KCNMB1: variants seen among roughly 807,000 people sequenced by gnomAD.
KCNMB1 encodes the protein calcium-activated potassium channel subunit beta-1.
KCNMB1 carries 22 observed loss-of-function variants against 21.7 expected under a neutral mutation model. The observed-to-expected ratio is 1.01, with a 90% confidence interval of 0.72 to 1.45. KCNMB1 has a LOEUF of 1.45. KCNMB1 is among the 40% of genes most tolerant of loss of function. The pLI, the probability that KCNMB1 is intolerant of heterozygous loss-of-function variation, is 0.00. For synonymous variants in KCNMB1, 114 were observed against 107.6 expected (o/e 1.06, Z -0.37); for missense variants, 243 against 243.4 (o/e 1.00, Z 0.01).
Position 170,378,002 on chromosome 5 carries a change from A to G in KCNMB1, c.*702T>C, listed in dbSNP as rs1764077054. The stretch of plus-strand genomic sequence containing the variant: ...TTTCAACTTTTCCAAAATGGCATCT[A>G]CCATGGCTTTTCTGATTAAAAGCAA... On this transcript the variant is annotated 3_prime_UTR_variant, in exon 4 of 4. Coordinates refer to ENST00000274629, the MANE Select transcript of KCNMB1 (RefSeq NM_004137.4). 2 of 152,122 alleles carry G rather than the reference A, an allele frequency of 1.3e-5. No homozygotes were observed. The highest frequency in any genetic ancestry group is 2.9e-5 in the Non-Finnish European group (2 of 68,038). The allele number at this position is 152,122 out of a possible 1,614,324, so 9.4% of individuals were successfully genotyped here. A position where few individuals can be genotyped will look rare whatever the true frequency, so the allele number is the denominator to read the frequency against.
chr5:170,387,050 A>T (rs1393152275), intron 1 of KCNMB1, among the ~76,000 whole-genome samples: 1 of 152,006 alleles, frequency 6.6e-6, no homozygotes, highest in Non-Finnish European at 1.5e-5. Flanking sequence ...GTGATTTCCC[A>T]TGGTTCCGCA....
chr5:170,385,428 A>G lies in KCNMB1; in HGVS notation c.20T>C (p.Met7Thr), dbSNP rs759156187. The G allele has an allele frequency of 1.2e-6, 2 of 1,614,034 alleles. No homozygotes were observed. The highest frequency in any genetic ancestry group is 2.7e-5 in the African/African-American group (2 of 74,900). MVKKLV[M>T]AQKRGETRAL... Reference sequence around the variant, plus strand: ...TCGTGTCTCTCCCCGCTTCTGGGCCATCACCAGCTTCTTCACCATATTCAC... The same window carrying G: ...TCGTGTCTCTCCCCGCTTCTGGGCCGTCACCAGCTTCTTCACCATATTCAC... Residue 7 changes from methionine (M) to threonine (T), a missense_variant, in exon 2 of 4, where the codon ATG becomes ACG. Coordinates refer to ENST00000274629, the MANE Select transcript of KCNMB1 (RefSeq NM_004137.4).
intron 3 of KCNMB1, 132 bp downstream of exon 3, chr5:170,383,547 A>T (rs1348225224): frequency 3.1e-6 from 3 of 953,244 alleles, no homozygotes; most frequent in Middle Eastern, 2.1e-4. Context: ...GGGCTGGCTC[A>T]GTCTCATTCC....
Position 170,378,018 on chromosome 5 carries a change from T to C in KCNMB1, c.*686A>G, listed in dbSNP as rs1411362658. On this transcript the variant is annotated 3_prime_UTR_variant, in exon 4 of 4. Transcript: ENST00000274629. ...ATGGCATCTACCATGGCTTTTCTGA[T>C]TAAAAGCAAACGAAACACACCCTTC... 6.6e-6 allele frequency: 1 copy of C among 152,084 alleles called. No homozygotes were observed. The highest frequency in any genetic ancestry group is 1.5e-5 in the Non-Finnish European group (1 of 68,018). The allele number at this position is 152,084 out of a possible 1,614,324, so 9.4% of individuals were successfully genotyped here.
intron 3 of KCNMB1, among the ~76,000 whole-genome samples, chr5:170,381,012 G>C (rs1764217066): frequency 6.6e-6 from 1 of 152,184 alleles, no homozygotes; most frequent in Non-Finnish European, 1.5e-5. Flanking sequence ...AATATGTTTT[G>C]ACTTATCTAT....
intron 1 of KCNMB1, among the ~76,000 whole-genome samples, chr5:170,388,441 T>A (rs879364819): frequency 2.6e-5 from 4 of 152,216 alleles, no homozygotes; most frequent in Non-Finnish European, 5.9e-5. Context: ...ATAGGAGGGA[T>A]TTCAGTTAGA....
chr5:170,380,858 G>A (rs1764210895), intron 3 of KCNMB1, among the ~76,000 whole-genome samples: 1 of 152,118 alleles, frequency 6.6e-6, no homozygotes, highest in African/African-American at 2.4e-5. Flanking sequence ...AACCTCACTG[G>A]GCCTTGTAAA....
chr5:170,383,967 C>T (rs766468050), intron 2 of KCNMB1, 117 bp from the exon 3 acceptor site: 4 of 990,116 alleles, frequency 4.0e-6, no homozygotes, highest in Non-Finnish European at 5.9e-6. Context: ...CTGGGATCCT[C>T]ATCTTGTCTT....
chr5:170,378,341 A>C lies in KCNMB1; in HGVS notation c.*363T>G. 1 of 198,114 alleles carries C rather than the reference A, an allele frequency of 5.0e-6. No homozygotes were observed. Among genetic ancestry groups the C allele is most frequent in the Non-Finnish European group, 1.0e-5 (1 of 98,316 alleles). 12.3% of individuals were successfully genotyped at this position (198,114 alleles called of 1,614,324 possible). On this transcript the variant is annotated 3_prime_UTR_variant, in exon 4 of 4. Transcript: ENST00000274629. ...GGACAGCTTCTGGGGGAGGATGGGT[A>C]CCGCTTTGAGACAACAGGGAGAACT...
In KCNMB1 at chr5:170,378,836, G is replaced by A; in HGVS notation, c.444C>T (p.Phe148=). ...GGGCCTGGGGCCCGTAGAGGCGCTG[G>A]AATAGGACGCTGGTTTCGTTCCCCC... is the stretch of plus-strand genomic sequence containing the variant. The part of the protein sequence containing the change: ...APRGNETSVL[F]QRLYGPQALL... The change falls in exon 4 of 4, where the codon TTC becomes TTT. Residue 148 remains phenylalanine (F), a synonymous_variant. Transcript: ENST00000274629. 1 of 1,614,240 alleles carries A rather than the reference G, an allele frequency of 6.2e-7. No homozygotes were observed. The highest frequency in any genetic ancestry group is 8.5e-7 in the Non-Finnish European group (1 of 1,180,046).
rs1763984896 is a variant in KCNMB1, at chr5:170,375,958, C to T, written c.*2746G>A. The T allele has an allele frequency of 6.6e-6, 1 of 152,162 alleles. No individual in the cohort carries two copies. Among genetic ancestry groups the T allele is most frequent in the Non-Finnish European group, 1.5e-5 (1 of 68,048 alleles). 9.4% of individuals were successfully genotyped at this position (152,162 alleles called of 1,614,324 possible). A position where few individuals can be genotyped will look rare whatever the true frequency, so the allele number is the denominator to read the frequency against. The stretch of plus-strand genomic sequence containing the variant: ...ATTTGAACCCAAACAGTGCACATCC[C>T]AAGTCCACATACTTAGCCACTGTCC... On this transcript the variant is annotated 3_prime_UTR_variant, in exon 4 of 4. Transcript: ENST00000274629.
intron 1 of KCNMB1, among the ~76,000 whole-genome samples, chr5:170,388,387 C>T (rs914521206): frequency 1.3e-5 from 2 of 152,154 alleles, no homozygotes; most frequent in Non-Finnish European, 2.9e-5. Flanking sequence ...TGTCAATATC[C>T]CCCAAGGGAC....
Position 170,385,382 on chromosome 5 carries a change from G to A in KCNMB1, c.66C>T (p.Thr22=), listed in dbSNP as rs1353777186. The A allele has an allele frequency of 1.2e-6, 2 of 1,614,120 alleles. No homozygotes were observed. Residue 22 remains threonine, a synonymous_variant, in exon 2 of 4, where the codon ACC becomes ACT. Transcript: ENST00000274629. ...GETRALCLGV[T]MVVCAVITYY... Reference sequence around the variant, plus strand: ...AGGTGATGACGGCACACACCACCATGGTTACACCCAGGCAAAGGGCTCGTG... The same window carrying A: ...AGGTGATGACGGCACACACCACCATAGTTACACCCAGGCAAAGGGCTCGTG...
rs1764121068 is a variant in KCNMB1 at position 170,378,907 on chromosome 5, C to T, written c.373G>A (p.Ala125Thr). 1 of 1,614,230 alleles carries T rather than the reference C, an allele frequency of 6.2e-7. No homozygotes were observed. The highest frequency in any genetic ancestry group is 1.3e-5 in the African/African-American group (1 of 75,076). The change falls in exon 4 of 4, where the codon GCC becomes ACC. Residue 125 changes from alanine (A) to threonine (T), a missense_variant. Transcript: ENST00000274629. ...TARADVEKVR[A>T]KFQEQQVFYC... ...AAGACCTGCTGCTCTTGGAATTTGG[C>T]TCTGACCTTCTCCACGTCGGCCCGG...
rs552580089 is a variant in KCNMB1 at position 170,383,355 on chromosome 5, C to T, written c.306+324G>A. The T allele has an allele frequency of 2.4e-4, 143 of 586,020 alleles. 1 individual carries two copies. In the South Asian group the frequency reaches 2.6e-3, roughly 11 times the overall value. 36.3% of individuals were successfully genotyped at this position (586,020 alleles called of 1,614,324 possible). ...TGCCCACTATCCACTCAGCATCAAGCGTGGCACTTTATATACAGCGTCTCT... is the reference window on the plus strand; with the variant it reads ...TGCCCACTATCCACTCAGCATCAAGTGTGGCACTTTATATACAGCGTCTCT... On this transcript the variant is annotated intron_variant, in intron 3 of 3. Transcript: ENST00000274629.
At chr5:170,382,129 G>C (rs886980041) in intron 3 of KCNMB1, among the ~76,000 whole-genome samples, 1 of 152,104 alleles carries the variant, frequency 6.6e-6, no homozygotes, top group Admixed American at 6.5e-5. Flanking sequence ...TGCTTGCTGC[G>C]GCCTTGGCTC....
intron 3 of KCNMB1, 181 bp downstream of exon 3, chr5:170,383,476 ACACAGCCAGTTAGCGGCAGATT>A (rs1764335495): frequency 1.2e-5 from 8 of 642,340 alleles, no homozygotes; most frequent in Non-Finnish European, 2.2e-5. Context: ...GCCTATGTTT[ACACAGCCAGTTAGCGGCAGATT>A]CAAACCCAGG....
intron 1 of KCNMB1, among the ~76,000 whole-genome samples, chr5:170,388,019 C>CA (rs1402601032): frequency 6.5e-5 from 9 of 139,236 alleles, no homozygotes; most frequent in African/African-American, 8.6e-5. Context: ...GGCTAATCAG[C>CA]CCCCCCCAGC....
At chr5:170,386,756 C>G (rs1171014765) in intron 1 of KCNMB1, among the ~76,000 whole-genome samples, 1 of 151,964 alleles carries the variant, frequency 6.6e-6, no homozygotes, top group African/African-American at 2.4e-5. Flanking sequence ...TCATGGTGGC[C>G]TCAGCGACTG....
Sources: gnomAD v4.1 joint callset for allele counts (sites outside exome capture counted in the v4.1 genomes callset) on GRCh38, gnomAD v4.1.1 for gene constraint, MANE v1.5 for transcripts, NCBI Gene and HGNC (gene_info 2026-07-23, HGNC 2026-07-21) for gene names.